The following TSC22D1 variants were observed in gnomAD, a reference collection of about 807,000 sequenced individuals.
TSC22D1 encodes TSC22 domain family member 1, also known as TSC22 domain family protein 1.
In TSC22D1, 9 loss-of-function variants were observed where a neutral mutation model predicts 74.2. The observed-to-expected ratio is 0.12, with a 90% CI of 0.07 to 0.21. The LOEUF (loss-of-function observed/expected upper bound fraction) is 0.21. Among genes scored for constraint, TSC22D1 ranks in the 10% least tolerant of loss-of-function variants. TSC22D1 has a pLI of 1.00. For missense variants in TSC22D1, 1,427 were observed against 1,304.7 expected, an observed-to-expected ratio of 1.09 and a Z score of -1.44; for synonymous variants, 586 against 492.5, an observed-to-expected ratio of 1.19 and a Z score of -2.51.
At chr13:44,546,010 C>T (rs1003759274) in intron 1 of TSC22D1, among the ~76,000 whole-genome samples, 2 of 151,672 alleles carry the variant, frequency 1.3e-5, no homozygotes, top group African/African-American at 4.8e-5. Flanking sequence ...AATACAAATA[C>T]AAATAGATAA....
intron 1 of TSC22D1, among the ~76,000 whole-genome samples, chr13:44,570,360 T>C (rs993914855): frequency 2.6e-5 from 4 of 151,892 alleles, no homozygotes; most frequent in African/African-American, 4.8e-5. Context: ...CTGGCTAATT[T>C]TTGTATTTTT....
At chr13:44,505,950 T>C (rs904100342) in intron 1 of TSC22D1, among the ~76,000 whole-genome samples, 4 of 152,136 alleles carry the variant, frequency 2.6e-5, no homozygotes, top group Non-Finnish European at 4.4e-5. Context: ...CTCATTTTAT[T>C]CCTCCTAACA....
At chr13:44,490,717 G>A (rs913530624) in intron 1 of TSC22D1, among the ~76,000 whole-genome samples, 7 of 151,936 alleles carry the variant, frequency 4.6e-5, no homozygotes, top group Admixed American at 4.6e-4. Flanking sequence ...GACCAATATG[G>A]AGAAACCCCG....
intron 1 of TSC22D1, among the ~76,000 whole-genome samples, chr13:44,519,632 C>G (rs976366535): frequency 6.6e-6 from 1 of 152,130 alleles, no homozygotes; most frequent in African/African-American, 2.4e-5. Context: ...ATTTTTGTCT[C>G]TACCCTACCC....
chr13:44,514,497 C>G (rs928723372), intron 1 of TSC22D1, among the ~76,000 whole-genome samples: 1 of 151,928 alleles, frequency 6.6e-6, no homozygotes, highest in African/African-American at 2.4e-5. Context: ...AAGGGCTAAT[C>G]CAAAACACAC....
At chr13:44,568,184 A>G (rs1595175335) in intron 1 of TSC22D1, among the ~76,000 whole-genome samples, 1 of 152,216 alleles carries the variant, frequency 6.6e-6, no homozygotes, top group African/African-American at 2.4e-5. Context: ...CTAAGAATAA[A>G]GACACTAGTC....
intron 1 of TSC22D1, among the ~76,000 whole-genome samples, chr13:44,484,061 T>C (rs1457900163): frequency 6.6e-6 from 1 of 152,222 alleles, no homozygotes; most frequent in Non-Finnish European, 1.5e-5. Context: ...TCTTGGCCCT[T>C]TTTAAAAGCA....
intron 1 of TSC22D1, among the ~76,000 whole-genome samples, chr13:44,547,024 A>C (rs535885274): frequency 6.6e-6 from 1 of 152,076 alleles, no homozygotes; most frequent in Non-Finnish European, 1.5e-5. Context: ...AGTCTCCCAA[A>C]ATGGTGAGAT....
intron 1 of TSC22D1, chr13:44,436,929 A>G (rs943984601): frequency 1.9e-6 from 2 of 1,041,916 alleles, no homozygotes; most frequent in South Asian, 4.3e-5. Flanking sequence ...CGCCACTGGG[A>G]CCGCCCCCTA....
intron 1 of TSC22D1, among the ~76,000 whole-genome samples, chr13:44,514,724 G>A (rs766690240): frequency 6.6e-6 from 1 of 152,104 alleles, no homozygotes. Flanking sequence ...GCTGGACATG[G>A]TGGTATGCAC....
rs1244098709 is a variant in TSC22D1, at chr13:44,434,666, G to A, written c.3182C>T (p.Pro1061Leu). 1.9e-6 allele frequency: 3 copies of A among 1,597,862 alleles called. No individual in the cohort carries two copies. Among genetic ancestry groups the A allele is most frequent in the South Asian group, 1.1e-5 (1 of 88,394 alleles). The change falls in exon 3 of 3, where the codon CCC becomes CTC. Residue 1061 changes from proline (P) to leucine (L), a missense_variant. Physicochemically the swap from Pro to Leu is moderately conservative, Grantham distance 98. Transcript: ENST00000458659. ...TTQPQGTTQP[P>L]AQPASQGSGP... ...TGAGCCCTGCGATGCTGGCTGGGCG[G>A]GGGGCTGTGTGGTGCCCTGTGGCTG...
At chr13:44,533,021 A>C (rs1880938998) in intron 1 of TSC22D1, among the ~76,000 whole-genome samples, 1 of 152,176 alleles carries the variant, frequency 6.6e-6, no homozygotes, top group Admixed American at 6.5e-5. Flanking sequence ...CAATTTGTTT[A>C]AAAGAGTGTG....
intron 1 of TSC22D1, among the ~76,000 whole-genome samples, chr13:44,456,579 A>C (rs1211727353): frequency 6.6e-6 from 1 of 152,238 alleles, no homozygotes; most frequent in African/African-American, 2.4e-5. Context: ...AGCCGGCTTC[A>C]CCTTTCACAA....
At chr13:44,547,532 T>C (rs76382712) in intron 1 of TSC22D1, among the ~76,000 whole-genome samples, 2,218 of 152,330 alleles carry the variant, frequency 0.015, 23 homozygotes, top group Non-Finnish European at 0.024. Context: ...ATTTACATTA[T>C]CATGTATGTT....
chr13:44,537,954 T>C, intron 1 of TSC22D1: 5 of 985,254 alleles, frequency 5.1e-6, no homozygotes, highest in Non-Finnish European at 6.0e-6. Flanking sequence ...CAGCATTAGG[T>C]GACTTTAAAA....
intron 1 of TSC22D1, among the ~76,000 whole-genome samples, chr13:44,501,183 G>A (rs1879206871): frequency 6.6e-6 from 1 of 152,310 alleles, no homozygotes; most frequent in South Asian, 2.1e-4. Flanking sequence ...GGACAATTTA[G>A]AAGGTATAAT....
intron 1 of TSC22D1, among the ~76,000 whole-genome samples, chr13:44,475,678 T>G (rs1190943823): frequency 1.3e-5 from 2 of 152,002 alleles, no homozygotes. Flanking sequence ...AACCATAATT[T>G]AAGAGATATA....
At chr13:44,452,994 C>G (rs920714747) in intron 1 of TSC22D1, among the ~76,000 whole-genome samples, 1 of 152,144 alleles carries the variant, frequency 6.6e-6, no homozygotes, top group African/African-American at 2.4e-5. Context: ...CATGTTTCAC[C>G]TGGCTCTGAA....
At chr13:44,489,718 G>C (rs1459933251) in intron 1 of TSC22D1, among the ~76,000 whole-genome samples, 3 of 151,784 alleles carry the variant, frequency 2.0e-5, no homozygotes, top group African/African-American at 7.3e-5. Context: ...AAATAGGCAA[G>C]AGACTTTAAC....
Sources: allele counts gnomAD v4.1 joint callset (sites outside exome capture counted in the v4.1 genomes callset), GRCh38; gene constraint gnomAD v4.1.1; transcripts MANE v1.5; gene names NCBI Gene and HGNC (gene_info 2026-07-23, HGNC 2026-07-21).